The following GFRA1 variants were observed in gnomAD, a reference collection of about 807,000 sequenced individuals.
GFRA1 encodes GDNF family receptor alpha-1.
A neutral mutation model predicts 51.6 loss-of-function variants in GFRA1; 16 were observed. The ratio of observed to expected loss-of-function variants is 0.31; its 90% CI spans 0.21 to 0.47. The LOEUF (loss-of-function observed/expected upper bound fraction) is 0.47, where lower values mean the gene tolerates loss of function less well. Ranked by LOEUF, GFRA1 falls within the 20% of genes least tolerant of loss-of-function variation. The pLI, the probability that GFRA1 is intolerant of heterozygous loss-of-function variation, is 1.00. For missense variants in GFRA1, 530 were observed against 594.3 expected (o/e 0.89, Z 1.13); for synonymous variants, 270 against 241.3 (o/e 1.12, Z -1.10).
intron 4 of GFRA1, among the ~76,000 whole-genome samples, chr10:116,247,153 G>A (rs1314441264): frequency 6.6e-6 from 1 of 151,982 alleles, no homozygotes; most frequent in Non-Finnish European, 1.5e-5. Flanking sequence ...TCAGAAAATG[G>A]CACTGTCATT....
intron 5 of GFRA1, among the ~76,000 whole-genome samples, chr10:116,136,576 G>C (rs1008948072): frequency 1.3e-5 from 2 of 152,152 alleles, no homozygotes; most frequent in Admixed American, 6.5e-5. Flanking sequence ...AATTTTCTAA[G>C]TTGCTATTAA....
At chr10:116,218,299 A>C (rs1033146237) in intron 4 of GFRA1, among the ~76,000 whole-genome samples, 1 of 152,060 alleles carries the variant, frequency 6.6e-6, no homozygotes, top group Non-Finnish European at 1.5e-5. Flanking sequence ...TCAGCATCTC[A>C]AGCCACACTC....
chr10:116,194,011 C>G (rs1350997682), intron 5 of GFRA1, among the ~76,000 whole-genome samples: 1 of 147,986 alleles, frequency 6.8e-6, no homozygotes, highest in East Asian at 2.0e-4. Context: ...TGTACTCCAG[C>G]CTGGGCCACA....
chr10:116,152,297 G>A (rs1362010211), intron 5 of GFRA1, among the ~76,000 whole-genome samples: 4 of 152,314 alleles, frequency 2.6e-5, no homozygotes, highest in African/African-American at 9.6e-5. Context: ...CCACGCTGTG[G>A]AATCACACAT....
chr10:116,158,828 G>T (rs1959435550), intron 5 of GFRA1, among the ~76,000 whole-genome samples: 1 of 152,198 alleles, frequency 6.6e-6, no homozygotes, highest in Non-Finnish European at 1.5e-5. Context: ...GGGTGCCAAG[G>T]CAAGCTTACA....
At chr10:116,134,621 T>A (rs1430474688) in intron 5 of GFRA1, among the ~76,000 whole-genome samples, 1 of 152,222 alleles carries the variant, frequency 6.6e-6, no homozygotes, top group Non-Finnish European at 1.5e-5. Context: ...TACATGATGA[T>A]GAAATTCCTC....
At chr10:116,136,806 C>G (rs549244061) in intron 5 of GFRA1, among the ~76,000 whole-genome samples, 1 of 152,136 alleles carries the variant, frequency 6.6e-6, no homozygotes, top group Non-Finnish European at 1.5e-5. Context: ...GAGGATGGGA[C>G]TTTAAAAGCC....
chr10:116,109,530 T>C (rs376193424), intron 6 of GFRA1, among the ~76,000 whole-genome samples: 5 of 152,212 alleles, frequency 3.3e-5, no homozygotes, highest in African/African-American at 1.2e-4. Flanking sequence ...GGGGAAATCA[T>C]CTGGGCCTAG....
At chr10:116,152,888 G>A (rs1196208219) in intron 5 of GFRA1, among the ~76,000 whole-genome samples, 1 of 152,222 alleles carries the variant, frequency 6.6e-6, no homozygotes, top group Non-Finnish European at 1.5e-5. Flanking sequence ...TTAGTATTCA[G>A]CAAGTAATTA....
intron 6 of GFRA1, among the ~76,000 whole-genome samples, chr10:116,113,224 G>GT (rs1298745068): frequency 1.4e-5 from 2 of 145,222 alleles, no homozygotes; most frequent in Non-Finnish European, 3.0e-5. Flanking sequence ...GTTAATAAAA[G>GT]TATGTTCTGT....
intron 4 of GFRA1, among the ~76,000 whole-genome samples, chr10:116,258,907 A>T (rs2134747142): frequency 6.6e-6 from 1 of 152,252 alleles, no homozygotes; most frequent in East Asian, 1.9e-4. Flanking sequence ...TCGAATTGGG[A>T]GTATGTTCAG....
intron 4 of GFRA1, among the ~76,000 whole-genome samples, chr10:116,242,799 A>G: frequency 6.6e-6 from 1 of 152,150 alleles, no homozygotes; most frequent in East Asian, 1.9e-4. Context: ...AATTTTTAAT[A>G]ACAGAGTCCT....
chr10:116,225,468 G>A (rs1402568592), intron 4 of GFRA1, among the ~76,000 whole-genome samples: 1 of 144,108 alleles, frequency 6.9e-6, no homozygotes. Flanking sequence ...CTGGGAGGGT[G>A]AGGTTGCAGA....
At chr10:116,145,638 T>A (rs1445314815) in intron 5 of GFRA1, among the ~76,000 whole-genome samples, 1 of 152,178 alleles carries the variant, frequency 6.6e-6, no homozygotes, top group Non-Finnish European at 1.5e-5. Context: ...TAAGTTAATG[T>A]AAAAATGTAT....
chr10:116,145,186 C>G (rs1235674647), intron 5 of GFRA1, among the ~76,000 whole-genome samples: 1 of 122,274 alleles, frequency 8.2e-6, no homozygotes, highest in South Asian at 2.9e-4. Flanking sequence ...TAAAAACTTA[C>G]AACAACAACA....
At chr10:116,185,718 ACC>A (rs1432767143) in intron 5 of GFRA1, among the ~76,000 whole-genome samples, 2 of 151,990 alleles carry the variant, frequency 1.3e-5, no homozygotes, top group African/African-American at 4.8e-5. Flanking sequence ...CCTGCTCCCC[ACC>A]CCAACTCCGT....
chr10:116,123,961 G>A (rs1957748069), intron 6 of GFRA1, among the ~76,000 whole-genome samples: 2 of 152,204 alleles, frequency 1.3e-5, no homozygotes, highest in Non-Finnish European at 2.9e-5. Context: ...CTGTAGGTCA[G>A]TGGCATGATC....
chr10:116,255,692 T>G (rs1968782619), intron 4 of GFRA1: 1 of 1,289,036 alleles, frequency 7.8e-7, no homozygotes. Context: ...TCCAGAACTT[T>G]CCTTCCTGCA....
At chr10:116,271,525 C>T (rs1843936918) in intron 2 of GFRA1, among the ~76,000 whole-genome samples, 1 of 152,134 alleles carries the variant, frequency 6.6e-6, no homozygotes, top group Non-Finnish European at 1.5e-5. Flanking sequence ...CGGCGGCGGA[C>T]TGGGCACCGG....
Sources: allele counts gnomAD v4.1 joint callset (sites outside exome capture counted in the v4.1 genomes callset), GRCh38; gene constraint gnomAD v4.1.1; transcripts MANE v1.5; gene names NCBI Gene and HGNC (gene_info 2026-07-23, HGNC 2026-07-21).